CAMTA1: variants seen among roughly 807,000 people sequenced by gnomAD.
CAMTA1 encodes calmodulin-binding transcription activator 1.
Under a neutral mutation model 170.9 loss-of-function variants are expected in CAMTA1, and 27 were observed. The observed-to-expected ratio is 0.16, with a 90% CI of 0.12 to 0.22. The LOEUF is 0.22. CAMTA1 is among the 10% of genes least tolerant of loss of function. CAMTA1 has a pLI of 1.00. For missense variants in CAMTA1, 1,619 were observed against 2,217.2 expected, an observed-to-expected ratio of 0.73 and a Z score of 5.42; for synonymous variants, 833 against 891.5, an observed-to-expected ratio of 0.93 and a Z score of 1.17.
At chr1:7,223,358 G>T (rs11808997) in intron 4 of CAMTA1, among the ~76,000 whole-genome samples, 23 of 152,000 alleles carry the variant, frequency 1.5e-4, no homozygotes, top group African/African-American at 4.6e-4. Flanking sequence ...GATTGTGTGC[G>T]TATGTGTGTG....
chr1:6,794,912 TTTG>T (rs1187360278), intron 1 of CAMTA1, among the ~76,000 whole-genome samples: 1 of 152,048 alleles, frequency 6.6e-6, no homozygotes, highest in Non-Finnish European at 1.5e-5. Context: ...TTTTTGTTTT[TTTG>T]TTTTTTCTTC....
At chr1:7,342,186 C>T (rs1289255173) in intron 5 of CAMTA1, among the ~76,000 whole-genome samples, 2 of 152,180 alleles carry the variant, frequency 1.3e-5, no homozygotes, top group African/African-American at 4.8e-5. Flanking sequence ...TCTCAGATGG[C>T]CTAGGGTGGA....
At chr1:7,698,078 C>G (rs371914996) in intron 11 of CAMTA1, among the ~76,000 whole-genome samples, 4 of 130,216 alleles carry the variant, frequency 3.1e-5, no homozygotes, top group East Asian at 5.1e-4. Context: ...ACTGTGACCC[C>G]CCCCCCCCCC....
chr1:7,411,194 G>A (rs907144903), intron 5 of CAMTA1, among the ~76,000 whole-genome samples: 1 of 152,174 alleles, frequency 6.6e-6, no homozygotes, highest in Non-Finnish European at 1.5e-5. Context: ...CCATCACTGT[G>A]GTTTGGAGGG....
intron 6 of CAMTA1, among the ~76,000 whole-genome samples, chr1:7,637,569 G>A (rs1013962680): frequency 2.8e-4 from 43 of 152,298 alleles, no homozygotes; most frequent in Admixed American, 1.1e-3. Flanking sequence ...AGATCTACCC[G>A]ACCCACCTCT....
intron 7 of CAMTA1, among the ~76,000 whole-genome samples, chr1:7,650,800 A>G (rs1464249843): frequency 6.6e-6 from 1 of 152,244 alleles, no homozygotes; most frequent in Non-Finnish European, 1.5e-5. Context: ...ATTGAATAGT[A>G]TGTGGGTGTC....
At chr1:7,444,231 C>A (rs1185810864) in intron 5 of CAMTA1, among the ~76,000 whole-genome samples, 1 of 152,204 alleles carries the variant, frequency 6.6e-6, no homozygotes, top group East Asian at 1.9e-4. Flanking sequence ...TGGAGTGTGG[C>A]CTCAGGGCTG....
intron 6 of CAMTA1, among the ~76,000 whole-genome samples, chr1:7,506,157 G>C (rs944226853): frequency 6.6e-6 from 1 of 152,180 alleles, no homozygotes; most frequent in Non-Finnish European, 1.5e-5. Context: ...GTGGCACTGG[G>C]CTTCAGCATG....
intron 3 of CAMTA1, among the ~76,000 whole-genome samples, chr1:7,005,693 G>A (rs185449765): frequency 1.3e-5 from 2 of 152,296 alleles, no homozygotes; most frequent in Non-Finnish European, 2.9e-5. Context: ...TCCTACGTAC[G>A]TAGGTATTCC....
At chr1:7,608,172 C>T (rs2095500187) in intron 6 of CAMTA1, among the ~76,000 whole-genome samples, 1 of 152,138 alleles carries the variant, frequency 6.6e-6, no homozygotes, top group Non-Finnish European at 1.5e-5. Flanking sequence ...GCTCTCCTGC[C>T]CGCTCCTCTG....
chr1:7,310,976 G>C (rs1049607726), intron 5 of CAMTA1, among the ~76,000 whole-genome samples: 2 of 151,860 alleles, frequency 1.3e-5, no homozygotes, highest in South Asian at 4.1e-4. Context: ...AGTGATCCAC[G>C]GGCCTAAGCC....
chr1:7,226,484 G>C (rs1482210616), intron 4 of CAMTA1, among the ~76,000 whole-genome samples: 2 of 152,060 alleles, frequency 1.3e-5, no homozygotes, highest in Non-Finnish European at 2.9e-5. Flanking sequence ...GATAGAACAG[G>C]CTCATTGAAG....
At chr1:7,617,784 C>T (rs1056011401) in intron 6 of CAMTA1, among the ~76,000 whole-genome samples, 3 of 143,766 alleles carry the variant, frequency 2.1e-5, no homozygotes, top group African/African-American at 7.7e-5. Flanking sequence ...GCTCTTGGGT[C>T]CCCGATCTTC....
At chr1:7,192,828 T>C (rs759024831) in intron 4 of CAMTA1, among the ~76,000 whole-genome samples, 3 of 152,116 alleles carry the variant, frequency 2.0e-5, no homozygotes, top group Non-Finnish European at 4.4e-5. Context: ...GAATGCAGCG[T>C]CACCGGAAGG....
intron 7 of CAMTA1, among the ~76,000 whole-genome samples, chr1:7,660,305 G>A (rs984485476): frequency 2.0e-5 from 3 of 152,234 alleles, no homozygotes; most frequent in Admixed American, 1.3e-4. Context: ...GACCTCAGGT[G>A]ATCCGCCCAC....
chr1:7,310,714 CTT>C (rs773050355), intron 5 of CAMTA1, among the ~76,000 whole-genome samples: 1 of 52,552 alleles, frequency 1.9e-5, no homozygotes, highest in Non-Finnish European at 3.3e-5. Context: ...TTCTTTCTTT[CTT>C]TCTTTCTTTC....
intron 4 of CAMTA1, among the ~76,000 whole-genome samples, chr1:7,227,326 A>G (rs1661886043): frequency 6.6e-6 from 1 of 151,650 alleles, no homozygotes; most frequent in African/African-American, 2.4e-5. Flanking sequence ...CCTTTGTTTT[A>G]TTGTTTTTCG....
intron 6 of CAMTA1, among the ~76,000 whole-genome samples, chr1:7,529,589 C>T (rs1295804826): frequency 1.3e-5 from 2 of 152,136 alleles, no homozygotes; most frequent in Admixed American, 6.5e-5. Context: ...AGGCAGGCCC[C>T]GAGTCCACGT....
intron 3 of CAMTA1, among the ~76,000 whole-genome samples, chr1:6,903,795 A>G (rs1428352254): frequency 6.6e-6 from 1 of 152,206 alleles, no homozygotes; most frequent in African/African-American, 2.4e-5. Flanking sequence ...ATTCATCATT[A>G]TGGATTGAGC....
Sources: allele counts gnomAD v4.1 joint callset (sites outside exome capture counted in the v4.1 genomes callset), GRCh38; gene constraint gnomAD v4.1.1; transcripts MANE v1.5; gene names NCBI Gene and HGNC (gene_info 2026-07-23, HGNC 2026-07-21).